Variants in CWC27 observed in about 807,000 individuals in gnomAD.
The protein encoded by CWC27 is CWC27 spliceosome associated cyclophilin.
In CWC27, 47 loss-of-function variants were observed where a neutral mutation model predicts 63.6. That is an observed-to-expected ratio of 0.74 (90% CI 0.58 to 0.94). The LOEUF is 0.94. Among genes scored for constraint, CWC27 ranks in the 40% least tolerant of loss-of-function variants. The pLI is 0.00. For synonymous variants in CWC27, 175 were observed against 179.8 expected (o/e 0.97, Z 0.22); for missense variants, 495 against 554.3 (o/e 0.89, Z 1.07).
chr5:64,923,322 C>T (rs1358119942), intron 11 of CWC27, among the ~76,000 whole-genome samples: 1 of 152,084 alleles, frequency 6.6e-6, no homozygotes, highest in Non-Finnish European at 1.5e-5. Flanking sequence ...ACAGGATGTA[C>T]AGATCAGACC....
chr5:64,952,641 A>T (rs974730378), intron 11 of CWC27, among the ~76,000 whole-genome samples: 15 of 151,998 alleles, frequency 9.9e-5, no homozygotes, highest in South Asian at 6.2e-4. Flanking sequence ...AGGTTTATTG[A>T]CAACATCTAT....
intron 13 of CWC27, among the ~76,000 whole-genome samples, chr5:64,981,103 A>C (rs1422057772): frequency 6.6e-6 from 1 of 152,184 alleles, no homozygotes; most frequent in African/African-American, 2.4e-5. Context: ...AAAAAAAACA[A>C]AAAAATGTTC....
chr5:64,944,507 C>T (rs1410838773), intron 11 of CWC27, among the ~76,000 whole-genome samples: 2 of 152,188 alleles, frequency 1.3e-5, no homozygotes, highest in Non-Finnish European at 2.9e-5. Flanking sequence ...TACATATCAT[C>T]TATTGCTAAT....
chr5:64,994,363 A>G (rs1046254538), intron 13 of CWC27, among the ~76,000 whole-genome samples: 1 of 152,176 alleles, frequency 6.6e-6, no homozygotes, highest in Non-Finnish European at 1.5e-5. Context: ...ATAATTTAAC[A>G]TGGATCTTTG....
At chr5:64,863,735 C>G (rs1746472980) in intron 10 of CWC27, among the ~76,000 whole-genome samples, 2 of 152,114 alleles carry the variant, frequency 1.3e-5, no homozygotes. Flanking sequence ...GTGATCCTCC[C>G]ACTTTGGCCT....
chr5:64,885,674 T>A, intron 11 of CWC27, 128 bp downstream of exon 11: 1 of 576,400 alleles, frequency 1.7e-6, no homozygotes, highest in Non-Finnish European at 3.1e-6. Context: ...TCTTCCCTCT[T>A]TCTTTCCCTC....
chr5:64,921,100 C>T (rs1196351678), intron 11 of CWC27, among the ~76,000 whole-genome samples: 1 of 152,132 alleles, frequency 6.6e-6, no homozygotes, highest in Non-Finnish European at 1.5e-5. Flanking sequence ...TTCCTCCCTA[C>T]ACTGCTCTGT....
At chr5:64,897,689 T>C (rs1307066969) in intron 11 of CWC27, among the ~76,000 whole-genome samples, 1 of 152,136 alleles carries the variant, frequency 6.6e-6, no homozygotes, top group Non-Finnish European at 1.5e-5. Context: ...ATACATAGTT[T>C]GTTACCTATG....
intron 10 of CWC27, among the ~76,000 whole-genome samples, chr5:64,845,173 C>A (rs763298340): frequency 5.9e-5 from 9 of 152,166 alleles, no homozygotes; most frequent in Non-Finnish European, 1.2e-4. Flanking sequence ...GAACTCCCAA[C>A]AAGCTCTGAC....
intron 10 of CWC27, among the ~76,000 whole-genome samples, chr5:64,858,387 G>A (rs12188838): frequency 0.33 from 49,215 of 148,418 alleles, 8,272 homozygotes; most frequent in East Asian, 0.49. Context: ...GCATGAACCC[G>A]GGAGGCGGAG....
chr5:64,821,912 G>T (rs926260490), intron 10 of CWC27, among the ~76,000 whole-genome samples: 1 of 152,208 alleles, frequency 6.6e-6, no homozygotes, highest in African/African-American at 2.4e-5. Context: ...GGTGCAAGGG[G>T]ATAGGTGAGA....
intron 11 of CWC27, among the ~76,000 whole-genome samples, chr5:64,888,397 A>G (rs896611720): frequency 3.5e-5 from 5 of 144,824 alleles, no homozygotes; most frequent in African/African-American, 1.3e-4. Context: ...TATATAAATA[A>G]CATATATTAT....
intron 10 of CWC27, among the ~76,000 whole-genome samples, chr5:64,858,728 A>T (rs552680753): frequency 1.2e-3 from 178 of 149,412 alleles, no homozygotes; most frequent in African/African-American, 3.4e-3. Context: ...ATTGACATTT[A>T]AAAAAAAAAT....
chr5:65,018,380 GC>G lies in CWC27; in HGVS notation c.*61del. 1 of 1,436,458 alleles carries G rather than the reference GC, an allele frequency of 7.0e-7. No homozygotes were observed. Among genetic ancestry groups the G allele is most frequent in the Non-Finnish European group, 9.4e-7 (1 of 1,060,206 alleles). The allele number at this position is 1,436,458 out of a possible 1,614,324, so 89.0% of individuals were successfully genotyped here. On this transcript the variant is annotated 3_prime_UTR_variant, in exon 14 of 14. Transcript: ENST00000381070. ...ATGTGCCTACAATGGCCTTGTAACA[GC>G]CATTGTTCCCAACAGCATCACTTAG...
chr5:64,887,554 G>A (rs1260576755), intron 11 of CWC27, among the ~76,000 whole-genome samples: 2 of 152,052 alleles, frequency 1.3e-5, no homozygotes, highest in African/African-American at 2.4e-5. Context: ...TTTTAGTAGA[G>A]ACAGGGTTTC....
At chr5:64,973,163 G>C (rs1749155732) in intron 12 of CWC27, among the ~76,000 whole-genome samples, 2 of 151,984 alleles carry the variant, frequency 1.3e-5, no homozygotes, top group African/African-American at 2.4e-5. Context: ...AAGAGAAGGA[G>C]AAAGATGAGG....
intron 13 of CWC27, among the ~76,000 whole-genome samples, chr5:65,002,112 A>G (rs1749742536): frequency 6.6e-6 from 1 of 152,064 alleles, no homozygotes; most frequent in Admixed American, 6.5e-5. Flanking sequence ...TATAGTTCAC[A>G]GTAGCCTCTA....
chr5:64,808,318 G>A (rs1744761104), intron 10 of CWC27: 1 of 988,656 alleles, frequency 1.0e-6, no homozygotes, highest in Admixed American at 5.9e-5. Context: ...AGGTCAGCAA[G>A]TTGTCAGCAA....
At chr5:64,916,301 A>T (rs571738755) in intron 11 of CWC27, among the ~76,000 whole-genome samples, 2 of 152,326 alleles carry the variant, frequency 1.3e-5, no homozygotes, top group African/African-American at 4.8e-5. Flanking sequence ...TTCAAAAGCC[A>T]ATGGAGTATC....
Sources: allele counts gnomAD v4.1 joint callset (sites outside exome capture counted in the v4.1 genomes callset), GRCh38; gene constraint gnomAD v4.1.1; transcripts MANE v1.5; gene names NCBI Gene and HGNC (gene_info 2026-07-23, HGNC 2026-07-21).